Variants in CAMTA1 observed in about 807,000 individuals in gnomAD.
The protein encoded by CAMTA1 is calmodulin-binding transcription activator 1.
CAMTA1 carries 27 observed loss-of-function variants against 170.9 expected under a neutral mutation model. That is an observed-to-expected ratio of 0.16 (90% confidence interval 0.12 to 0.22). The LOEUF is 0.22. CAMTA1 is among the 10% of genes least tolerant of loss of function. CAMTA1 has a pLI of 1.00. For synonymous variants in CAMTA1, 833 were observed against 891.5 expected (o/e 0.93, Z 1.17); for missense variants, 1,619 against 2,217.2 (o/e 0.73, Z 5.42).
intron 3 of CAMTA1, among the ~76,000 whole-genome samples, chr1:6,980,466 A>G (rs1304459216): frequency 2.0e-5 from 3 of 152,082 alleles, no homozygotes; most frequent in Non-Finnish European, 4.4e-5. Flanking sequence ...TTCATTCTTC[A>G]TGGGGCAGAT....
chr1:7,666,597 C>T (rs2096003759), intron 9 of CAMTA1, among the ~76,000 whole-genome samples: 2 of 152,364 alleles, frequency 1.3e-5, no homozygotes, highest in East Asian at 3.9e-4. Context: ...CTGACCTCTA[C>T]CCAGCCCATC....
chr1:7,465,751 C>G (rs1041743397), intron 5 of CAMTA1, among the ~76,000 whole-genome samples: 1 of 152,154 alleles, frequency 6.6e-6, no homozygotes, highest in Non-Finnish European at 1.5e-5. Context: ...ACAGAGGAAA[C>G]ACAGTTGGTG....
At chr1:7,227,607 G>T (rs1228313062) in intron 4 of CAMTA1, among the ~76,000 whole-genome samples, 1 of 152,230 alleles carries the variant, frequency 6.6e-6, no homozygotes, top group African/African-American at 2.4e-5. Flanking sequence ...GGGATTACAG[G>T]CATGAGCCAT....
intron 4 of CAMTA1, among the ~76,000 whole-genome samples, chr1:7,163,625 G>A (rs1297767064): frequency 1.3e-5 from 2 of 152,202 alleles, no homozygotes; most frequent in Non-Finnish European, 2.9e-5. Flanking sequence ...GCAATACTTG[G>A]GGTATGGGAG....
chr1:7,128,831 C>CTT lies in CAMTA1; in HGVS notation c.302+37486_302+37487dup, dbSNP rs34180837. Reference sequence around the variant, plus strand: ...CACCACACCCGATTAGCTCCCCCTCCTTTTTTTTTTTTTTTTTTTTTTTTT... The same window carrying CTT: ...CACCACACCCGATTAGCTCCCCCTCCTTTTTTTTTTTTTTTTTTTTTTTTTTT... On this transcript the variant is annotated intron_variant, in intron 4 of 22. Coordinates refer to ENST00000303635, the MANE Select transcript of CAMTA1 (RefSeq NM_015215.4). Among the ~76,000 whole-genome samples, 347 of 61,386 alleles carry CTT rather than the reference C, an allele frequency of 5.7e-3. 15 individuals are homozygous for CTT. The highest frequency in any genetic ancestry group is 0.023 in the African/African-American group (316 of 13,454). The allele number at this position is 61,386 out of a possible 152,430, so 40.3% of individuals were successfully genotyped here.
chr1:7,471,136 G>A (rs554946645), intron 6 of CAMTA1, among the ~76,000 whole-genome samples: 73 of 152,322 alleles, frequency 4.8e-4, no homozygotes, highest in Non-Finnish European at 8.4e-4. Flanking sequence ...CTGAGTCATC[G>A]GGCTTTCAGG....
At chr1:7,422,220 C>T (rs2149319592) in intron 5 of CAMTA1, among the ~76,000 whole-genome samples, 1 of 152,206 alleles carries the variant, frequency 6.6e-6, no homozygotes, top group Non-Finnish European at 1.5e-5. Context: ...TTCAAGATGC[C>T]TGGTTTCCAG....
At chr1:6,806,132 G>A (rs1406290233) in intron 1 of CAMTA1, among the ~76,000 whole-genome samples, 1 of 152,174 alleles carries the variant, frequency 6.6e-6, no homozygotes, top group Non-Finnish European at 1.5e-5. Flanking sequence ...TTTCCTCACT[G>A]AAGTGTCTTG....
intron 5 of CAMTA1, among the ~76,000 whole-genome samples, chr1:7,270,303 T>TTTTCTTGTGAGATGGAG (rs1669598051): frequency 6.8e-6 from 1 of 146,976 alleles, no homozygotes; most frequent in African/African-American, 2.5e-5. Flanking sequence ...TTTTTTTTTT[T>TTTTCTTGTGAGATGGAG]TTTCTTGTGA....
intron 5 of CAMTA1, among the ~76,000 whole-genome samples, chr1:7,284,684 T>A (rs1395820728): frequency 6.6e-6 from 1 of 152,208 alleles, no homozygotes; most frequent in Non-Finnish European, 1.5e-5. Flanking sequence ...TTCCCTGTGC[T>A]TAACTGGATC....
intron 3 of CAMTA1, among the ~76,000 whole-genome samples, chr1:6,838,507 A>T (rs1391031066): frequency 6.6e-6 from 1 of 152,184 alleles, no homozygotes; most frequent in African/African-American, 2.4e-5. Context: ...CAATAGAGAG[A>T]TGGCCAAACC....
intron 3 of CAMTA1, among the ~76,000 whole-genome samples, chr1:6,941,701 C>T (rs2149431699): frequency 6.6e-6 from 1 of 152,326 alleles, no homozygotes; most frequent in East Asian, 1.9e-4. Context: ...AGAGTCACTC[C>T]TGAAGTATTA....
rs1023195254 is a variant in CAMTA1 at position 7,642,046 on chromosome 1, C to T, written c.664+1493C>T. Among the ~76,000 whole-genome samples the T allele has an allele frequency of 4.0e-5, 6 of 151,878 alleles. No homozygotes were observed. ...CTGCTGCCTCTCCACCTGCCCCTCT[C>T]CCTGGCTCTGCCTGCTCACCCCACC... On this transcript the variant is annotated intron_variant, in intron 7 of 22. Coordinates refer to ENST00000303635, the MANE Select transcript of CAMTA1 (RefSeq NM_015215.4). The surrounding 1 kb of genome is among the most constrained non-coding windows in gnomAD (Gnocchi z 6.3).
chr1:7,526,830 G>T (rs1189175229), intron 6 of CAMTA1, among the ~76,000 whole-genome samples: 1 of 152,182 alleles, frequency 6.6e-6, no homozygotes, highest in Non-Finnish European at 1.5e-5. Context: ...AGATGGGGCT[G>T]GGTGACCACC....
At chr1:7,013,467 T>C (rs1172602512) in intron 3 of CAMTA1, among the ~76,000 whole-genome samples, 1 of 152,056 alleles carries the variant, frequency 6.6e-6, no homozygotes, top group African/African-American at 2.4e-5. Flanking sequence ...CCCACTTCAG[T>C]CTCTCAAAGT....
chr1:6,848,616 A>G (rs959553385), intron 3 of CAMTA1, among the ~76,000 whole-genome samples: 3 of 152,210 alleles, frequency 2.0e-5, no homozygotes, highest in East Asian at 3.8e-4. Context: ...GTAGCGAAGG[A>G]TCTGACTTGG....
At chr1:7,438,073 A>G (rs923735100) in intron 5 of CAMTA1, among the ~76,000 whole-genome samples, 1 of 152,196 alleles carries the variant, frequency 6.6e-6, no homozygotes, top group Admixed American at 6.5e-5. Context: ...GAGGAACCCA[A>G]GAAGAACACC....
At chr1:7,704,326 G>A (rs1441417250) in intron 11 of CAMTA1, among the ~76,000 whole-genome samples, 1 of 145,894 alleles carries the variant, frequency 6.9e-6, no homozygotes, top group Non-Finnish European at 1.5e-5. Flanking sequence ...GGCTCCGGGG[G>A]CCGTCGGCCC....
At chr1:7,454,221 G>A (rs927289781) in intron 5 of CAMTA1, among the ~76,000 whole-genome samples, 1 of 152,196 alleles carries the variant, frequency 6.6e-6, no homozygotes, top group Admixed American at 6.5e-5. Context: ...AGGCGACCTC[G>A]CCTCACACTT....
Sources: allele counts gnomAD v4.1 joint callset (sites outside exome capture counted in the v4.1 genomes callset), GRCh38; gene constraint gnomAD v4.1.1; non-coding constraint Gnocchi (gnomAD v3.1); transcripts MANE v1.5; gene names NCBI Gene and HGNC (gene_info 2026-07-23, HGNC 2026-07-21).